The following EIF2AK1 variants were observed in gnomAD, a reference collection of about 807,000 sequenced individuals.
EIF2AK1 encodes eukaryotic translation initiation factor 2 alpha kinase 1.
Under a neutral mutation model 77.9 loss-of-function variants are expected in EIF2AK1, and 54 were observed. That is an observed-to-expected ratio of 0.69 (90% CI 0.56 to 0.87). EIF2AK1 has a LOEUF of 0.87. EIF2AK1 is among the 40% of genes least tolerant of loss of function. The pLI is 0.00. For missense variants in EIF2AK1, 810 were observed against 768.6 expected (o/e 1.05, Z -0.64); for synonymous variants, 314 against 290.5 (o/e 1.08, Z -0.82).
At chr7:6,034,013 G>C (rs62456200) in intron 11 of EIF2AK1, among the ~76,000 whole-genome samples, 1 of 151,268 alleles carries the variant, frequency 6.6e-6, no homozygotes, top group East Asian at 2.0e-4. Context: ...CTATCCGAGT[G>C]AATGAAAGAA....
intron 11 of EIF2AK1, chr7:6,031,422 G>C: frequency 6.4e-7 from 1 of 1,550,838 alleles, no homozygotes; most frequent in Non-Finnish European, 8.7e-7. Context: ...GTGGTTGACA[G>C]TGCCAAGTCC....
In EIF2AK1 at chr7:6,059,078, C is replaced by T. The variant is rs1788880810; in HGVS notation, c.6G>A (p.Gln2=). The change falls in exon 1 of 15, where the codon CAG becomes CAA. Residue 2 remains glutamine (Q), a synonymous_variant. Coordinates refer to ENST00000199389, the MANE Select transcript of EIF2AK1 (RefSeq NM_014413.4). M[Q]GGNSGVRKRE... ...GCTTGCGGACCCCGGAGTTGCCCCC[C>T]TGCATCGCCGGCCGCGCGCGGGCCG... 1 of 1,406,102 alleles carries T rather than the reference C, an allele frequency of 7.1e-7. No homozygotes were observed. The highest frequency in any genetic ancestry group is 1.6e-5 in the South Asian group (1 of 64,174). The allele number at this position is 1,406,102 out of a possible 1,614,324, so 87.1% of individuals were successfully genotyped here.
At position 6,058,954 on chromosome 7, in the gene EIF2AK1, C is replaced by G. The variant is rs1583505980; in HGVS notation, c.118+12G>C. The G allele has an allele frequency of 6.6e-7, 1 of 1,519,298 alleles. No homozygotes were observed. The highest frequency in any genetic ancestry group is 8.8e-7 in the Non-Finnish European group (1 of 1,134,674). 94.1% of individuals were successfully genotyped at this position (1,519,298 alleles called of 1,614,324 possible). A position where few individuals can be genotyped will look rare whatever the true frequency, so the allele number is the denominator to read the frequency against. On this transcript the variant is annotated intron_variant, in intron 1 of 14. Transcript: ENST00000199389. ...GAGAGCAGAGCGGCGACGCCGCGATCCGATCCCTCACCGTCATATTCGGGG... is the reference window on the plus strand; with the variant it reads ...GAGAGCAGAGCGGCGACGCCGCGATGCGATCCCTCACCGTCATATTCGGGG...
intron 11 of EIF2AK1, among the ~76,000 whole-genome samples, chr7:6,034,913 G>A (rs1788031945): frequency 6.6e-6 from 1 of 152,158 alleles, no homozygotes; most frequent in African/African-American, 2.4e-5. Flanking sequence ...GCAGAAAAAT[G>A]TCGGGTAGGA....
Position 6,048,818 on chromosome 7 carries a change from G to T in EIF2AK1, c.438C>A (p.Ile146=), listed in dbSNP as rs763503585. The T allele has an allele frequency of 6.3e-7, 1 of 1,583,172 alleles. No individual in the cohort carries two copies. Among genetic ancestry groups the T allele is most frequent in the East Asian group, 2.3e-5 (1 of 43,976 alleles). ...RQDPCEDISR[I]QKIRSREVAL... ...TTTTTCACACATACCTGATTTTCTG[G>T]ATACGAGAAATATCCTCACAAGGAT... Residue 146 remains isoleucine, a synonymous_variant, in exon 4 of 15, where the codon ATC becomes ATA. Coordinates refer to ENST00000199389, the MANE Select transcript of EIF2AK1 (RefSeq NM_014413.4).
intron 14 of EIF2AK1, 97 bp downstream of exon 14, chr7:6,026,631 C>A: frequency 2.1e-6 from 2 of 947,222 alleles, no homozygotes; most frequent in South Asian, 2.7e-5. Flanking sequence ...GCTCTTCCAG[C>A]CCCAGCCTCC....
rs752928861 is a variant in EIF2AK1 at position 6,054,588 on chromosome 7, C to A, written c.235G>T (p.Val79Leu). The change falls in exon 2 of 15, where the codon GTG (valine) becomes TTG (leucine). Residue 79 changes from valine (V) to leucine (L), a missense_variant. By Grantham distance (32) the Val-to-Leu change is conservative. Transcript: ENST00000199389. ...LVSLLEHLSH[V>L]HEPNPLRSRQ... The stretch of plus-strand genomic sequence containing the variant: ...GAACGAAGTGGGTTTGGTTCATGCA[C>A]GTGGCTCAAGTGCTCCAGCAAAGAA... The A allele has an allele frequency of 1.9e-6, 3 of 1,614,058 alleles. No individual in the cohort carries two copies. The highest frequency in any genetic ancestry group is 1.3e-5 in the African/African-American group (1 of 75,004).
At position 6,056,864 on chromosome 7, in the gene EIF2AK1, G is replaced by A. The variant is rs1220498940; in HGVS notation, c.118+2102C>T. On this transcript the variant is annotated intron_variant, in intron 1 of 14. Transcript: ENST00000199389. ...ATGACATAACACTTTCTATATTACT[G>A]AGCTATAATATACCACCTTATATGT... Among the ~76,000 whole-genome samples, 3 of 151,200 alleles carry A rather than the reference G, an allele frequency of 2.0e-5. No individual in the cohort carries two copies. In the Admixed American group the frequency reaches 2.0e-4, roughly 10 times the overall value.
At position 6,033,712 on chromosome 7, in the gene EIF2AK1, G is replaced by A. The variant is rs1473325988; in HGVS notation, c.1332+3712C>T. ...AGCCTCCCAAGTAGCTGGGACTACA[G>A]GCGCCTGCCACCACGCCTGGCTAAT... On this transcript the variant is annotated intron_variant, in intron 11 of 14. Coordinates refer to ENST00000199389, the MANE Select transcript of EIF2AK1 (RefSeq NM_014413.4). The surrounding 1 kb of genome is among the most constrained non-coding windows in gnomAD (Gnocchi z 4.4). Among the ~76,000 whole-genome samples the A allele has an allele frequency of 2.0e-5, 3 of 152,090 alleles. No individual in the cohort carries two copies. Among genetic ancestry groups the A allele is most frequent in the Non-Finnish European group, 4.4e-5 (3 of 68,018 alleles).
At position 6,035,777 on chromosome 7, in the gene EIF2AK1, G is replaced by A; in HGVS notation, c.1332+1647C>T. 6.4e-7 allele frequency: 1 copy of A among 1,551,136 alleles called. No individual in the cohort carries two copies. On this transcript the variant is annotated intron_variant, in intron 11 of 14. Coordinates refer to ENST00000199389, the MANE Select transcript of EIF2AK1 (RefSeq NM_014413.4). The surrounding 1 kb of genome is among the most constrained non-coding windows in gnomAD (Gnocchi z 5.5). ...CCGCAAACATGCTGAATAAGGAGATGATGGAAACGCTCATTGCCTATGGAG... is the reference window on the plus strand; with the variant it reads ...CCGCAAACATGCTGAATAAGGAGATAATGGAAACGCTCATTGCCTATGGAG...
chr7:6,035,386 C>T lies in EIF2AK1; in HGVS notation c.1332+2038G>A, dbSNP rs1788047082. 2.1e-6 allele frequency: 3 copies of T among 1,443,896 alleles called. No homozygotes were observed. Among genetic ancestry groups the T allele is most frequent in the Non-Finnish European group, 2.8e-6 (3 of 1,065,220 alleles). 89.4% of individuals were successfully genotyped at this position (1,443,896 alleles called of 1,614,324 possible). A position where few individuals can be genotyped will look rare whatever the true frequency, so the allele number is the denominator to read the frequency against. On this transcript the variant is annotated intron_variant, in intron 11 of 14. Transcript: ENST00000199389. This position sits in a 1 kb window ranked among gnomAD's most constrained non-coding sequence, Gnocchi z 5.5. ...ACTGGCTTCTTAAGCATTAACTGTCCACGTAGAGCCGTTCCCACTGTGAAT... is the reference window on the plus strand; with the variant it reads ...ACTGGCTTCTTAAGCATTAACTGTCTACGTAGAGCCGTTCCCACTGTGAAT...
chr7:6,028,788 G>C (rs1357925294), intron 12 of EIF2AK1, 91 bp from the exon 13 acceptor site: 1 of 1,420,046 alleles, frequency 7.0e-7, no homozygotes, highest in Non-Finnish European at 9.9e-7. Context: ...TAGCTCCTAA[G>C]AGAACAACAG....
At chr7:6,050,779 A>G (rs1347417043) in intron 2 of EIF2AK1, among the ~76,000 whole-genome samples, 2 of 151,378 alleles carry the variant, frequency 1.3e-5, no homozygotes, top group Non-Finnish European at 2.9e-5. Context: ...ATTTTTTTGT[A>G]TATTTAGTAG....
Position 6,023,183 on chromosome 7 carries a change from A to T in EIF2AK1, c.*1490T>A. 8.2e-7 allele frequency: 1 copy of T among 1,219,922 alleles called. No individual in the cohort carries two copies. The highest frequency in any genetic ancestry group is 1.1e-6 in the Non-Finnish European group (1 of 890,498). The allele number at this position is 1,219,922 out of a possible 1,614,324, so 75.6% of individuals were successfully genotyped here. On this transcript the variant is annotated 3_prime_UTR_variant, in exon 15 of 15. Transcript: ENST00000199389. The stretch of plus-strand genomic sequence containing the variant: ...GACTGAAAATGTGATGTTCTTCTTG[A>T]AAACACCCTTTCCCATGTCATCAGT...
At chr7:6,058,230 C>T (rs1788846371) in intron 1 of EIF2AK1, 1 of 445,098 alleles carries the variant, frequency 2.2e-6, no homozygotes, top group Non-Finnish European at 4.5e-6. Context: ...GGAAACACAG[C>T]AAGACCACAT....
In EIF2AK1 at chr7:6,047,501, C is replaced by T. The variant is rs1265184708; in HGVS notation, c.450-410G>A. 5.3e-5 allele frequency among the ~76,000 whole-genome samples: 8 copies of T among 151,956 alleles called. No individual in the cohort carries two copies. The South Asian group carries it at 1.5e-3, about 28-fold the overall frequency. On this transcript the variant is annotated intron_variant, in intron 4 of 14. Transcript: ENST00000199389. ...CAGCCTGGCCAACATGGTAAAACCC[C>T]GTCTCTAGTAATAATTCAAAAATTA...
chr7:6,048,673 T>C (rs1788512759), intron 4 of EIF2AK1, 134 bp downstream of exon 4: 1 of 700,860 alleles, frequency 1.4e-6, no homozygotes, highest in African/African-American at 1.9e-5. Context: ...GAGCAGTACT[T>C]AATTGCTGAG....
rs997976538 is a variant in EIF2AK1 at position 6,023,531 on chromosome 7, G to C, written c.*1142C>G. Reference sequence around the variant, plus strand: ...AACTCTGCTCTTGGGAAGAGCCCTTGGCTCGCTGGGAATGAACTCACCGTA... The same window carrying C: ...AACTCTGCTCTTGGGAAGAGCCCTTCGCTCGCTGGGAATGAACTCACCGTA... On this transcript the variant is annotated 3_prime_UTR_variant, in exon 15 of 15. Transcript: ENST00000199389. The C allele has an allele frequency of 1.2e-6, 2 of 1,614,232 alleles. No individual in the cohort carries two copies. The highest frequency in any genetic ancestry group is 1.7e-5 in the Admixed American group (1 of 60,024).
chr7:6,050,426 C>T (rs1788575447), intron 2 of EIF2AK1, among the ~76,000 whole-genome samples: 10 of 151,914 alleles, frequency 6.6e-5, no homozygotes, highest in Admixed American at 6.6e-4. Flanking sequence ...AACTCCTGGC[C>T]TCAAGTGATC....
Sources: gnomAD v4.1 joint callset for allele counts (sites outside exome capture counted in the v4.1 genomes callset) on GRCh38, gnomAD v4.1.1 for gene constraint, Gnocchi (gnomAD v3.1) non-coding constraint, MANE v1.5 for transcripts, NCBI Gene and HGNC (gene_info 2026-07-23, HGNC 2026-07-21) for gene names.